ASF1B: variants seen among roughly 807,000 people sequenced by gnomAD.
The protein encoded by ASF1B is histone chaperone ASF1B.
ASF1B carries 10 observed loss-of-function variants against 16.6 expected under a neutral mutation model. The observed-to-expected ratio is 0.60, with a 90% CI of 0.37 to 1.02. The LOEUF (loss-of-function observed/expected upper bound fraction) is 1.02. ASF1B is among the 50% of genes least tolerant of loss of function. The pLI is 0.01. For synonymous variants in ASF1B, 101 were observed against 106.2 expected, an observed-to-expected ratio of 0.95 and a Z score of 0.30; for missense variants, 240 against 266.0, an observed-to-expected ratio of 0.90 and a Z score of 0.68.
intron 1 of ASF1B, among the ~76,000 whole-genome samples, chr19:14,134,774 G>C (rs1003048250): frequency 2.0e-5 from 3 of 152,050 alleles, no homozygotes; most frequent in Non-Finnish European, 4.4e-5. Context: ...AAGCACCTTG[G>C]AAAAGATGTA....
chr19:14,121,612 G>T lies in ASF1B; in HGVS notation c.322C>A (p.Arg108=), dbSNP rs768830404. 8.1e-6 allele frequency: 13 copies of T among 1,613,832 alleles called. No individual in the cohort carries two copies. In the East Asian group the frequency reaches 2.7e-4, roughly 33 times the overall value. Residue 108 remains arginine, a synonymous_variant, in exon 3 of 4, where the codon CGA becomes AGA. Transcript: ENST00000263382. The part of the protein sequence containing the change: ...TCTYHGQEFI[R]VGYYVNNEYL... ...TCGTTGTTGACGTAGTAGCCCACTC[G>T]GATGAACTCCTGTCCATGGTAGGTG...
Position 14,120,534 on chromosome 19 carries a change from G to A in ASF1B, c.534C>T (p.Cys178=), listed in dbSNP as rs1337020322. 6.2e-7 allele frequency: 1 copy of A among 1,613,560 alleles called. No homozygotes were observed. Among genetic ancestry groups the A allele is most frequent in the Non-Finnish European group, 8.5e-7 (1 of 1,179,752 alleles). The change falls in exon 4 of 4, where the codon TGC becomes TGT. Residue 178 remains cysteine (C), a synonymous_variant. Transcript: ENST00000263382. ...PSLGCGLPLN[C]TPIKGLGLPG... ...GGAGCCCCAAGCCCTTGATAGGAGTGCAGTTGAGTGGGAGGCCGCAGCCCA... is the reference window on the plus strand; with the variant it reads ...GGAGCCCCAAGCCCTTGATAGGAGTACAGTTGAGTGGGAGGCCGCAGCCCA...
intron 1 of ASF1B, among the ~76,000 whole-genome samples, chr19:14,132,727 A>T (rs548447982): frequency 6.6e-6 from 1 of 152,268 alleles, no homozygotes; most frequent in South Asian, 2.1e-4. Context: ...CTGAGGCCGG[A>T]GAATCGCTTG....
Position 14,122,437 on chromosome 19 carries a change from C to T in ASF1B, c.226-729G>A, listed in dbSNP as rs554901708. Among the ~76,000 whole-genome samples, 186 of 152,002 alleles carry T rather than the reference C, an allele frequency of 1.2e-3. 1 individual carries two copies. Among genetic ancestry groups the T allele is most frequent in the African/African-American group, 4.3e-3 (180 of 41,456 alleles). On this transcript the variant is annotated intron_variant, in intron 2 of 3. Coordinates refer to ENST00000263382, the MANE Select transcript of ASF1B (RefSeq NM_018154.3). ...CTGGAGTGCAATGGCGCCATCATGG[C>T]TCACTGCATCCTTGAACTCCTGGGC...
chr19:14,135,657 G>GA lies in ASF1B; in HGVS notation c.109+690dup, dbSNP rs369496053. ...AAAAGGGGTTGAGGGGTTTTCACAG[G>GA]AAAAAAAGGTTACTGGAGGGGAGGG... On this transcript the variant is annotated intron_variant, in intron 1 of 3. Coordinates refer to ENST00000263382, the MANE Select transcript of ASF1B (RefSeq NM_018154.3). Among the ~76,000 whole-genome samples the GA allele has an allele frequency of 1.2e-3, 178 of 151,942 alleles. 1 individual carries two copies. The highest frequency in any genetic ancestry group is 3.9e-3 in the African/African-American group (160 of 41,434).
intron 1 of ASF1B, among the ~76,000 whole-genome samples, chr19:14,135,869 G>T (rs968177566): frequency 1.3e-5 from 2 of 152,008 alleles, no homozygotes; most frequent in African/African-American, 2.4e-5. Context: ...GTGGGTGGTT[G>T]AAGCGGGGGT....
In ASF1B at chr19:14,136,072, A is replaced by G. The variant is rs1217003060; in HGVS notation, c.109+276T>C. Among the ~76,000 whole-genome samples the G allele has an allele frequency of 2.9e-5, 4 of 137,272 alleles. No homozygotes were observed. The East Asian group carries it at 8.5e-4, about 29-fold the overall frequency. 90.1% of individuals were successfully genotyped at this position (137,272 alleles called of 152,430 possible). On this transcript the variant is annotated intron_variant, in intron 1 of 3. Coordinates refer to ENST00000263382, the MANE Select transcript of ASF1B (RefSeq NM_018154.3). ...AGGTCGGGGCGGGCAGTGGGGGAAG[A>G]GGCCACTGGGAGGTCCGAGTTAGCT... is the stretch of plus-strand genomic sequence containing the variant.
At chr19:14,135,210 T>G (rs1487574093) in intron 1 of ASF1B, among the ~76,000 whole-genome samples, 7 of 112,898 alleles carry the variant, frequency 6.2e-5, no homozygotes, top group East Asian at 2.4e-4. Context: ...GGCAACAGAG[T>G]GAGACTGTCT....
At position 14,136,409 on chromosome 19, in the gene ASF1B, G is replaced by A. The variant is rs371243119; in HGVS notation, c.48C>T (p.Ser16=). The change falls in exon 1 of 4, where the codon AGC becomes AGT. Residue 16 remains serine (S), a synonymous_variant. Transcript: ENST00000263382. ...CGAACCGGAAGGGGCTGTGGAAAGGGCTCGGGTTCTCCAGGACCGCCACGT... is the reference window on the plus strand; with the variant it reads ...CGAACCGGAAGGGGCTGTGGAAAGGACTCGGGTTCTCCAGGACCGCCACGT... The part of the protein sequence containing the change: ...VLNVAVLENP[S]PFHSPFRFEI... 22 of 1,613,724 alleles carry A rather than the reference G, an allele frequency of 1.4e-5. No homozygotes were observed. Among genetic ancestry groups the A allele is most frequent in the Non-Finnish European group, 1.8e-5 (21 of 1,179,792 alleles).
intron 2 of ASF1B, 70 bp downstream of exon 2, chr19:14,126,052 G>T: frequency 7.9e-7 from 1 of 1,267,652 alleles, no homozygotes; most frequent in Non-Finnish European, 1.1e-6. Context: ...GAAGCACTCT[G>T]TGGGATTTCA....
chr19:14,130,726 C>T (rs1967389290), intron 1 of ASF1B, among the ~76,000 whole-genome samples: 1 of 151,516 alleles, frequency 6.6e-6, no homozygotes, highest in Admixed American at 6.6e-5. Flanking sequence ...CATGTTATCT[C>T]TCTGCGCTAA....
chr19:14,121,784 A>C (rs936393792), intron 2 of ASF1B, 76 bp from the exon 3 acceptor site: 1 of 1,375,228 alleles, frequency 7.3e-7, no homozygotes, highest in African/African-American at 1.5e-5. Context: ...ATTCCCAAGC[A>C]TCATGTATTT....
intron 1 of ASF1B, among the ~76,000 whole-genome samples, chr19:14,129,065 G>A (rs751149702): frequency 1.3e-5 from 2 of 152,092 alleles, no homozygotes; most frequent in Admixed American, 6.6e-5. Flanking sequence ...ATGGGCCCCT[G>A]CAACATAGGC....
chr19:14,132,113 G>A (rs891548148), intron 1 of ASF1B, among the ~76,000 whole-genome samples: 7 of 146,180 alleles, frequency 4.8e-5, no homozygotes, highest in African/African-American at 1.8e-4. Context: ...CTGCAGCCCT[G>A]ACCTCCTGGG....
Position 14,120,279 on chromosome 19 carries a change from G to A in ASF1B, c.*180C>T, listed in dbSNP as rs1967213144. 8.5e-6 allele frequency: 5 copies of A among 585,056 alleles called. No homozygotes were observed. The highest frequency in any genetic ancestry group is 6.0e-5 in the East Asian group (2 of 33,114). 36.2% of individuals were successfully genotyped at this position (585,056 alleles called of 1,614,324 possible). ...TCTTATAGGCCTGTAGAGGAAAAGCGAGATCATCCTTCTGGCCAGGACTAG... is the reference window on the plus strand; with the variant it reads ...TCTTATAGGCCTGTAGAGGAAAAGCAAGATCATCCTTCTGGCCAGGACTAG... On this transcript the variant is annotated 3_prime_UTR_variant, in exon 4 of 4. Coordinates refer to ENST00000263382, the MANE Select transcript of ASF1B (RefSeq NM_018154.3).
intron 2 of ASF1B, among the ~76,000 whole-genome samples, chr19:14,123,241 C>T (rs973259191): frequency 6.6e-6 from 1 of 152,004 alleles, no homozygotes; most frequent in Non-Finnish European, 1.5e-5. Context: ...GTAGTGGTGG[C>T]TGAAGGGGTT....
In ASF1B at chr19:14,125,115, C is replaced by T. The variant is rs553792050; in HGVS notation, c.225+1007G>A. On this transcript the variant is annotated intron_variant, in intron 2 of 3. Coordinates refer to ENST00000263382, the MANE Select transcript of ASF1B (RefSeq NM_018154.3). Reference sequence around the variant, plus strand: ...CCGAGTAGCTGGGATTACAGGCATGCGCCACCACACCTGGCTGATTTTTGT... The same window carrying T: ...CCGAGTAGCTGGGATTACAGGCATGTGCCACCACACCTGGCTGATTTTTGT... Among the ~76,000 whole-genome samples, 10 of 152,074 alleles carry T rather than the reference C, an allele frequency of 6.6e-5. No individual in the cohort carries two copies. In the East Asian group the frequency reaches 1.5e-3, roughly 24 times the overall value.
intron 1 of ASF1B, among the ~76,000 whole-genome samples, chr19:14,127,797 C>T (rs117903483): frequency 7.9e-5 from 12 of 152,124 alleles, no homozygotes; most frequent in Middle Eastern, 3.4e-3. Flanking sequence ...CCACCACAGC[C>T]GGCTAATGTT....
chr19:14,136,441 C>T lies in ASF1B; in HGVS notation c.16G>A (p.Val6Met), dbSNP rs142830979. Residue 6 changes from valine (V) to methionine (M), a missense_variant, in exon 1 of 4, where the codon GTG (valine) becomes ATG (methionine). Coordinates refer to ENST00000263382, the MANE Select transcript of ASF1B (RefSeq NM_018154.3). Reference protein sequence around the residue: MAKVSVLNVAVLENPS... With the variant: MAKVSMLNVAVLENPS... ...TTCTCCAGGACCGCCACGTTCAGCA[C>T]CGACACCTTGGCCATCGCCTCGCCT... 1.1e-5 allele frequency: 17 copies of T among 1,613,160 alleles called. No homozygotes were observed. In the African/African-American group the frequency reaches 2.1e-4, roughly 20 times the overall value.
Sources: allele counts gnomAD v4.1 joint callset (sites outside exome capture counted in the v4.1 genomes callset), GRCh38; gene constraint gnomAD v4.1.1; transcripts MANE v1.5; gene names NCBI Gene and HGNC (gene_info 2026-07-23, HGNC 2026-07-21).